KMO: variants seen among roughly 807,000 people sequenced by gnomAD.
KMO encodes the protein kynurenine 3-monooxygenase.
KMO carries 24 observed loss-of-function variants against 57.8 expected under a neutral mutation model. The ratio of observed to expected loss-of-function variants is 0.42; its 90% CI spans 0.30 to 0.58. The LOEUF is 0.58. Among genes scored for constraint, KMO ranks in the 20% least tolerant of loss-of-function variants. KMO has a pLI of 0.22. For missense variants in KMO, 483 were observed against 588.2 expected, an observed-to-expected ratio of 0.82 and a Z score of 1.85; for synonymous variants, 210 against 193.6, an observed-to-expected ratio of 1.08 and a Z score of -0.70.
intron 10 of KMO, among the ~76,000 whole-genome samples, chr1:241,572,839 G>A (rs867017509): frequency 7.9e-5 from 12 of 152,014 alleles, no homozygotes; most frequent in East Asian, 1.9e-4. Flanking sequence ...ATTACTCTGC[G>A]TTTCTGTACT....
chr1:241,536,574 C>CT (rs1660761312), intron 1 of KMO: 4 of 887,732 alleles, frequency 4.5e-6, no homozygotes, highest in Non-Finnish European at 5.4e-6. Flanking sequence ...GGTAAGAGGG[C>CT]TATTAAGCAT....
intron 7 of KMO, among the ~76,000 whole-genome samples, chr1:241,562,872 AAGGAAGGAAGGAAGG>A (rs1661909337): frequency 2.8e-5 from 1 of 35,984 alleles, no homozygotes; most frequent in African/African-American, 9.3e-5. Flanking sequence ...AGAAGGAAGG[AAGGAAGGAAGGAAGG>A]AAGGAAGGAA....
intron 1 of KMO, among the ~76,000 whole-genome samples, chr1:241,547,972 T>C (rs1558413909): frequency 6.6e-6 from 1 of 152,148 alleles, no homozygotes; most frequent in Non-Finnish European, 1.5e-5. Flanking sequence ...CTGTGATCTT[T>C]CATTTAATGA....
intron 10 of KMO, among the ~76,000 whole-genome samples, chr1:241,572,981 G>T (rs149923307): frequency 2.0e-5 from 3 of 151,956 alleles, no homozygotes; most frequent in Admixed American, 6.6e-5. Context: ...ACTTTTTTAC[G>T]GTTGAGTAGT....
Position 241,588,734 on chromosome 1 carries a change from T to C in KMO, c.1016-14T>C. Reference sequence around the variant, plus strand: ...TATAGAAGGTTTTGGAAAGATGTATTATTTAACTTACAGGTTTGTGTCTTC... The same window carrying C: ...TATAGAAGGTTTTGGAAAGATGTATCATTTAACTTACAGGTTTGTGTCTTC... On this transcript the variant is annotated splice_polypyrimidine_tract_variant and intron_variant, in intron 11 of 14. Transcript: ENST00000366559. The C allele has an allele frequency of 1.3e-6, 2 of 1,596,708 alleles. No individual in the cohort carries two copies. The highest frequency in any genetic ancestry group is 1.7e-6 in the Non-Finnish European group (2 of 1,164,456).
chr1:241,566,923 A>C (rs1310931708), intron 9 of KMO, among the ~76,000 whole-genome samples: 1 of 152,122 alleles, frequency 6.6e-6, no homozygotes, highest in African/African-American at 2.4e-5. Context: ...ACTTTTTTCT[A>C]CTGGTAGATA....
chr1:241,541,948 T>C (rs1366197467), intron 1 of KMO, among the ~76,000 whole-genome samples: 2 of 152,184 alleles, frequency 1.3e-5, no homozygotes, highest in African/African-American at 4.8e-5. Flanking sequence ...GAAGGTGTTA[T>C]ACGCTTCATT....
At chr1:241,580,747 A>G (rs776213685) in intron 10 of KMO, among the ~76,000 whole-genome samples, 2 of 152,012 alleles carry the variant, frequency 1.3e-5, no homozygotes, top group Non-Finnish European at 2.9e-5. Context: ...AAATTTTTTG[A>G]GATTTTTTTT....
intron 4 of KMO, among the ~76,000 whole-genome samples, chr1:241,552,696 C>T (rs748128020): frequency 3.3e-5 from 5 of 152,158 alleles, no homozygotes; most frequent in Admixed American, 6.5e-5. Context: ...CATGAAGAGA[C>T]CTCGTTGTGG....
At chr1:241,532,835 A>C (rs1044419358) in intron 1 of KMO, among the ~76,000 whole-genome samples, 4 of 152,226 alleles carry the variant, frequency 2.6e-5, no homozygotes, top group African/African-American at 9.6e-5. Context: ...GTTTTTAGGA[A>C]CAGGAATTAG....
intron 1 of KMO, among the ~76,000 whole-genome samples, chr1:241,542,624 G>T (rs191881220): frequency 3.9e-5 from 6 of 152,174 alleles, no homozygotes; most frequent in Non-Finnish European, 5.9e-5. Context: ...CTCTATTAAG[G>T]CTTTACCCTC....
chr1:241,574,883 C>G (rs1350188218), intron 10 of KMO, among the ~76,000 whole-genome samples: 1 of 151,988 alleles, frequency 6.6e-6, no homozygotes, highest in East Asian at 1.9e-4. Flanking sequence ...ACTGTGAGTC[C>G]TTCTGGTCCT....
intron 5 of KMO, among the ~76,000 whole-genome samples, chr1:241,559,167 A>G (rs923806026): frequency 1.3e-4 from 20 of 152,186 alleles, no homozygotes; most frequent in Non-Finnish European, 2.4e-4. Context: ...AATCAATATC[A>G]GAAAGTTATT....
chr1:241,550,890 TTCTA>T lies in KMO; in HGVS notation c.223-61_223-58del, dbSNP rs1416781666. On this transcript the variant is annotated intron_variant, in intron 3 of 14. Transcript: ENST00000366559. ...TATGAAATTACATTTAAAAATCAAC[TTCTA>T]TCTTTCTTGCATAATGCCATGTTAC... 5.4e-6 allele frequency: 4 copies of T among 742,762 alleles called. No individual in the cohort carries two copies. The African/African-American group carries it at 7.4e-5, about 14-fold the overall frequency. The allele number at this position is 742,762 out of a possible 1,614,324, so 46.0% of individuals were successfully genotyped here.
intron 11 of KMO, among the ~76,000 whole-genome samples, chr1:241,587,229 C>T (rs12128430): frequency 0.14 from 20,939 of 152,198 alleles, 1,620 homozygotes; most frequent in East Asian, 0.22. Flanking sequence ...CTAGATGTCT[C>T]GCCTGTGCAG....
rs1250030231 is a variant in KMO, at chr1:241,548,912, G to GA, written c.124+20dup. 2.5e-6 allele frequency: 4 copies of GA among 1,580,676 alleles called. No individual in the cohort carries two copies. Among genetic ancestry groups the GA allele is most frequent in the Non-Finnish European group, 3.5e-6 (4 of 1,150,744 alleles). On this transcript the variant is annotated intron_variant, in intron 2 of 14. Transcript: ENST00000366559. ...AAGCTAGGGAAGGTACGTCCATGGT[G>GA]AAAAAAGCAGGATGAACGCTGGGCA...
chr1:241,566,873 C>T (rs1662101098), intron 9 of KMO, among the ~76,000 whole-genome samples: 1 of 152,196 alleles, frequency 6.6e-6, no homozygotes, highest in African/African-American at 2.4e-5. Context: ...GCAGGCTCCT[C>T]AGGCTCCTTG....
chr1:241,548,936 C>A, intron 2 of KMO, 38 bp downstream of exon 2: 2 of 1,394,194 alleles, frequency 1.4e-6, no homozygotes, highest in Non-Finnish European at 2.0e-6. Flanking sequence ...GAACGCTGGG[C>A]ACGGTGGCTC....
Position 241,549,686 on chromosome 1 carries a change from T to C in KMO, c.134T>C (p.Val45Ala). The change falls in exon 3 of 15, where the codon GTG (valine) becomes GCG (alanine). Residue 45 changes from valine to alanine, a missense_variant. Coordinates refer to ENST00000366559, the MANE Select transcript of KMO (RefSeq NM_003679.5). ...DVYEAREDTRVATFTRGRSIN... is the reference protein window; with the variant it reads ...DVYEAREDTRAATFTRGRSIN... ...GCTTCCAATGTCTCAGATACTCGAG[T>C]GGCTACCTTCACACGTGGAAGAAGC... The C allele has an allele frequency of 6.2e-7, 1 of 1,611,246 alleles. No individual in the cohort carries two copies. Among genetic ancestry groups the C allele is most frequent in the Non-Finnish European group, 8.5e-7 (1 of 1,177,680 alleles).
Sources: gnomAD v4.1 joint callset for allele counts (sites outside exome capture counted in the v4.1 genomes callset) on GRCh38, gnomAD v4.1.1 for gene constraint, MANE v1.5 for transcripts, NCBI Gene and HGNC (gene_info 2026-07-23, HGNC 2026-07-21) for gene names.